Variants in RP1 observed in about 807,000 individuals in gnomAD.
RP1 encodes the protein oxygen-regulated protein 1.
In RP1, 16 loss-of-function variants were observed where a neutral mutation model predicts 14.8. The ratio of observed to expected loss-of-function variants is 1.08; its 90% CI spans 0.73 to 1.65. RP1 has a LOEUF of 1.65. Among genes scored for constraint, RP1 ranks in the 40% most tolerant of loss-of-function variants. The pLI, the probability that RP1 is intolerant of heterozygous loss-of-function variation, is 0.00. For missense variants in RP1, 2,631 were observed against 2,535.0 expected (o/e 1.04, Z -0.81); for synonymous variants, 876 against 883.6 (o/e 0.99, Z 0.15).
intron 1 of RP1, among the ~76,000 whole-genome samples, chr8:54,574,312 C>A (rs117850168): frequency 0.01 from 1,592 of 152,138 alleles, 19 homozygotes; most frequent in Non-Finnish European, 0.015. Flanking sequence ...CGGGGTGAGA[C>A]CCTGGTAGCA....
At chr8:54,599,239 C>T (rs1805216961) in intron 1 of RP1, among the ~76,000 whole-genome samples, 1 of 152,000 alleles carries the variant, frequency 6.6e-6, no homozygotes. Flanking sequence ...CTGTTGAGCC[C>T]ACTCATTGTG....
rs190360878 is a variant in RP1, at chr8:54,792,949, C to T, written c.3615+9239C>T. ...AACTTAAGCCTCTAGCTAGACTAATCGAGAAAAAAAGTGGGAGAACTCAGA... is the reference window on the plus strand; with the variant it reads ...AACTTAAGCCTCTAGCTAGACTAATTGAGAAAAAAAGTGGGAGAACTCAGA... On this transcript the variant is annotated intron_variant, in intron 24 of 28. Coordinates refer to the RP1 transcript ENST00000637698. Among the ~76,000 whole-genome samples the T allele has an allele frequency of 1.4e-4, 21 of 151,264 alleles. No individual in the cohort carries two copies. The East Asian group carries it at 1.7e-3, about 13-fold the overall frequency.
rs545078320 is a variant in RP1 at position 54,658,267 on chromosome 8, G to A, written c.1171+2052G>A. Among the ~76,000 whole-genome samples, 5 of 151,984 alleles carry A rather than the reference G, an allele frequency of 3.3e-5. 1 individual carries two copies. The highest frequency in any genetic ancestry group is 1.2e-4 in the African/African-American group (5 of 41,316). ...GAATTTTTATTCTTTTTAAGACTGC[G>A]TAGGCCGGGCGCGGTGGCTCACGCC... On this transcript the variant is annotated intron_variant, in intron 6 of 22. Transcript: ENST00000636932.
intron 15 of RP1, among the ~76,000 whole-genome samples, chr8:54,712,105 G>A (rs1397140967): frequency 6.6e-6 from 1 of 152,136 alleles, no homozygotes; most frequent in Non-Finnish European, 1.5e-5. Flanking sequence ...ATCTTTAGGG[G>A]AAACAAGGAG....
chr8:54,749,191 C>A (rs138674666), intron 19 of RP1, among the ~76,000 whole-genome samples: 1 of 151,902 alleles, frequency 6.6e-6, no homozygotes, highest in African/African-American at 2.4e-5. Context: ...ATTAGCCAGG[C>A]GTGGTGATGG....
At chr8:54,772,809 G>GT (rs1403742573), downstream of RP1, among the ~76,000 whole-genome samples, 6 of 152,102 alleles carry the variant, frequency 3.9e-5, no homozygotes, top group Non-Finnish European at 7.4e-5. Flanking sequence ...GTGTGAGAGA[G>GT]TATTTATCTT....
intron 14 of RP1, among the ~76,000 whole-genome samples, chr8:54,704,956 A>T (rs1162165592): frequency 6.6e-6 from 1 of 152,194 alleles, no homozygotes; most frequent in African/African-American, 2.4e-5. Context: ...TGACCACATC[A>T]TTTATTATTT....
chr8:54,794,621 A>G (rs1810539440), intron 24 of RP1, among the ~76,000 whole-genome samples: 1 of 152,004 alleles, frequency 6.6e-6, no homozygotes, highest in African/African-American at 2.4e-5. Context: ...AAAATTCTAG[A>G]AGAGAAAGAA....
chr8:54,585,296 C>T (rs1391905963), intron 1 of RP1, among the ~76,000 whole-genome samples: 1 of 152,164 alleles, frequency 6.6e-6, no homozygotes, highest in Non-Finnish European at 1.5e-5. Context: ...GTTGAAAATT[C>T]TTTTCTTTAA....
At chr8:54,715,947 A>C (rs925307159) in intron 15 of RP1, among the ~76,000 whole-genome samples, 4 of 152,244 alleles carry the variant, frequency 2.6e-5, no homozygotes, top group African/African-American at 9.6e-5. Context: ...GTAAGTACCA[A>C]GTTCAGTGTT....
intron 1 of RP1, among the ~76,000 whole-genome samples, chr8:54,603,216 A>G (rs1805337245): frequency 6.6e-6 from 1 of 152,022 alleles, no homozygotes; most frequent in Non-Finnish European, 1.5e-5. Flanking sequence ...ATTTTTGTAT[A>G]AGGTGTAAGG....
At chr8:54,819,307 C>T (rs1811203056) in intron 24 of RP1, among the ~76,000 whole-genome samples, 1 of 151,804 alleles carries the variant, frequency 6.6e-6, no homozygotes, top group South Asian at 2.1e-4. Context: ...TTTGCTTGAT[C>T]TTTTTTATTA....
downstream of RP1, among the ~76,000 whole-genome samples, chr8:54,633,782 T>A (rs1234092424): frequency 6.8e-6 from 1 of 147,510 alleles, no homozygotes; most frequent in African/African-American, 2.5e-5. Flanking sequence ...TTTTCAACAT[T>A]TAGTCATATA....
chr8:54,785,406 A>T (rs922618348), intron 24 of RP1, among the ~76,000 whole-genome samples: 1 of 149,530 alleles, frequency 6.7e-6, no homozygotes, highest in Non-Finnish European at 1.5e-5. Context: ...CATTTTATTT[A>T]TCCATTTACC....
At chr8:54,569,616 C>A (rs1429782675) in intron 1 of RP1, among the ~76,000 whole-genome samples, 1 of 152,170 alleles carries the variant, frequency 6.6e-6, no homozygotes, top group African/African-American at 2.4e-5. Flanking sequence ...TAGGCATCTT[C>A]TTTTGGAACT....
At position 54,697,053 on chromosome 8, in the gene RP1, A is replaced by T. The variant is rs1016368745; in HGVS notation, c.1718-2414A>T. The T allele has an allele frequency of 3.5e-4, 549 of 1,565,464 alleles. 4 individuals carry two copies. Among genetic ancestry groups the T allele is most frequent in the Admixed American group, 7.4e-4 (44 of 59,832 alleles). On this transcript the variant is annotated intron_variant, in intron 12 of 22. Coordinates refer to the RP1 transcript ENST00000636932. ...CTTTCAGTGGCCCGTCACGCTACCA[A>T]AAATAGAGTGGGCTTCCTCAAGGAG...
intron 1 of RP1, among the ~76,000 whole-genome samples, chr8:54,563,885 T>G (rs188423323): frequency 6.6e-6 from 1 of 152,298 alleles, no homozygotes; most frequent in East Asian, 1.9e-4. Flanking sequence ...CTTCACACCT[T>G]GGCCCTAAAT....
intron 19 of RP1, among the ~76,000 whole-genome samples, chr8:54,748,916 C>T (rs944919390): frequency 3.3e-5 from 5 of 151,764 alleles, no homozygotes; most frequent in African/African-American, 1.2e-4. Flanking sequence ...TTTTTCTAAA[C>T]CTTTCTCATC....
At chr8:54,739,039 T>A in intron 19 of RP1, 1 of 1,518,866 alleles carries the variant, frequency 6.6e-7, no homozygotes, top group Non-Finnish European at 8.8e-7. Flanking sequence ...GGTAATCATG[T>A]CACTTATTTT....
Sources: gnomAD v4.1 joint callset for allele counts (sites outside exome capture counted in the v4.1 genomes callset) on GRCh38, gnomAD v4.1.1 for gene constraint, MANE v1.5 for transcripts, NCBI Gene and HGNC (gene_info 2026-07-23, HGNC 2026-07-21) for gene names.